Variants in AFAP1L2 observed in about 807,000 individuals in gnomAD.
AFAP1L2 encodes the protein actin filament-associated protein 1-like 2.
Under a neutral mutation model 99.3 loss-of-function variants are expected in AFAP1L2, and 46 were observed. The observed-to-expected ratio is 0.46, with a 90% CI of 0.37 to 0.59. The LOEUF (loss-of-function observed/expected upper bound fraction) is 0.59. AFAP1L2 is among the 20% of genes least tolerant of loss of function. AFAP1L2 has a pLI of 0.00. For synonymous variants in AFAP1L2, 397 were observed against 419.1 expected (o/e 0.95, Z 0.64); for missense variants, 959 against 1,034.9 (o/e 0.93, Z 1.01).
At chr10:114,303,892 C>T (rs1225864725) in intron 11 of AFAP1L2, among the ~76,000 whole-genome samples, 1 of 152,226 alleles carries the variant, frequency 6.6e-6, no homozygotes, top group Non-Finnish European at 1.5e-5. Flanking sequence ...GCACCCTCCC[C>T]ACTTCTTTCC....
chr10:114,368,559 C>T, intron 1 of AFAP1L2, among the ~76,000 whole-genome samples: 1 of 151,998 alleles, frequency 6.6e-6, no homozygotes, highest in Admixed American at 6.6e-5. Context: ...GATGGGACTA[C>T]AGGTGCCACC....
At position 114,300,286 on chromosome 10, in the gene AFAP1L2, A is replaced by T; in HGVS notation, c.1865T>A (p.Ile622Asn). ...TVKIQTEQQR[I>N]SFPPSCPDAV... is the part of the protein sequence containing the mutation. ...ATCCGGGCAGCTCGGTGGGAAGGAG[A>T]TTCTCTGCTGTTCCGTCTGGATTTT... Residue 622 changes from isoleucine to asparagine, a missense_variant, in exon 15 of 19, where the codon ATC (isoleucine) becomes AAC (asparagine). By Grantham distance (149) the Ile-to-Asn change is moderately radical (BLOSUM62 -3). This residue lies in a region of AFAP1L2 where 576 missense variants were observed against 562.1 expected (regional missense o/e 1.02). Coordinates refer to ENST00000304129, the MANE Select transcript of AFAP1L2 (RefSeq NM_001001936.3). 1.9e-6 allele frequency: 3 copies of T among 1,614,000 alleles called. No individual in the cohort carries two copies. Among genetic ancestry groups the T allele is most frequent in the Non-Finnish European group, 2.5e-6 (3 of 1,179,994 alleles).
chr10:114,370,416 C>T (rs2053933003), intron 1 of AFAP1L2, among the ~76,000 whole-genome samples: 1 of 152,218 alleles, frequency 6.6e-6, no homozygotes, highest in Non-Finnish European at 1.5e-5. Flanking sequence ...CCAGCACTTC[C>T]ACCCTCACAT....
intron 1 of AFAP1L2, among the ~76,000 whole-genome samples, chr10:114,401,091 G>A (rs976254517): frequency 1.3e-5 from 2 of 152,164 alleles, no homozygotes; most frequent in South Asian, 4.1e-4. Flanking sequence ...GTTCATATCT[G>A]CCTCCAATGC....
chr10:114,397,760 C>A (rs959496028), intron 1 of AFAP1L2, among the ~76,000 whole-genome samples: 1 of 152,204 alleles, frequency 6.6e-6, no homozygotes, highest in Non-Finnish European at 1.5e-5. Context: ...TCTGAGCTAA[C>A]AGCTGGCTAG....
At position 114,327,546 on chromosome 10, in the gene AFAP1L2, C is replaced by T. The variant is rs141062637; in HGVS notation, c.315+4257G>A. On this transcript the variant is annotated intron_variant, in intron 4 of 18. Coordinates refer to ENST00000304129, the MANE Select transcript of AFAP1L2 (RefSeq NM_001001936.3). ...GCGAGTCAGGCTTGGCAGGATTGAC[C>T]AGACCAGAGGTCCAGAGGGCCGCAA... 3.9e-4 allele frequency among the ~76,000 whole-genome samples: 59 copies of T among 152,162 alleles called. No individual in the cohort carries two copies. The East Asian group carries it at 8.2e-3, about 21-fold the overall frequency.
Position 114,299,323 on chromosome 10 carries a change from C to G in AFAP1L2, c.2050G>C (p.Gly684Arg). ...RLEKKKEEIR[G>R]HLAQLRKEKR... Reference sequence around the variant, plus strand: ...TCTTTCCGGAGCTGAGCCAGGTGCCCCCGGATTTCTTCCTTCTTCTTTTCA... The same window carrying G: ...TCTTTCCGGAGCTGAGCCAGGTGCCGCCGGATTTCTTCCTTCTTCTTTTCA... Residue 684 changes from glycine to arginine, a missense_variant, in exon 16 of 19, where the codon GGG (glycine) becomes CGG (arginine). Physicochemically the swap from Gly to Arg is moderately radical, Grantham distance 125 (BLOSUM62 -2). Around this residue, in one of 2 missense-constraint regions of AFAP1L2, gnomAD observed 576 missense variants for 562.1 expected, o/e 1.02. Transcript: ENST00000304129. 1 of 1,614,250 alleles carries G rather than the reference C, an allele frequency of 6.2e-7. No individual in the cohort carries two copies. The highest frequency in any genetic ancestry group is 1.6e-4 in the Middle Eastern group (1 of 6,062).
Position 114,295,927 on chromosome 10 carries a change from G to GTCTT in AFAP1L2, c.*111_*114dup. 1.9e-6 allele frequency: 3 copies of GTCTT among 1,597,250 alleles called. No individual in the cohort carries two copies. The highest frequency in any genetic ancestry group is 1.3e-5 in the African/African-American group (1 of 74,578). On this transcript the variant is annotated 3_prime_UTR_variant, in exon 19 of 19. Transcript: ENST00000304129. ...GAAGCTCTCCATTCACAGTACCTCAGTCTTTGCTTTTTCTTCTAAACAGAC... is the reference window on the plus strand; with the variant it reads ...GAAGCTCTCCATTCACAGTACCTCAGTCTTTCTTTGCTTTTTCTTCTAAACAGAC...
At chr10:114,297,171 GTC>G (rs775868007) in intron 17 of AFAP1L2, 47 bp downstream of exon 17, 2 of 1,211,924 alleles carry the variant, frequency 1.7e-6, no homozygotes, top group African/African-American at 3.0e-5. Flanking sequence ...CCCAACCCAT[GTC>G]CAGGGAGCCC....
At chr10:114,318,596 AGCCGGGCATGGTGATGGAC>A (rs2044521666) in intron 5 of AFAP1L2, among the ~76,000 whole-genome samples, 1 of 151,942 alleles carries the variant, frequency 6.6e-6, no homozygotes. Context: ...AAAAAAAATT[AGCCGGGCATGGTGATGGAC>A]GCCTATAATC....
chr10:114,302,649 C>T (rs763031663), intron 11 of AFAP1L2, among the ~76,000 whole-genome samples, 165 bp from the exon 12 acceptor site: 1 of 152,172 alleles, frequency 6.6e-6, no homozygotes, highest in Admixed American at 6.5e-5. Context: ...ATCCCACCCC[C>T]CAGTGGCCCC....
chr10:114,349,380 T>A, intron 1 of AFAP1L2, among the ~76,000 whole-genome samples: 4 of 92,604 alleles, frequency 4.3e-5, no homozygotes, highest in Non-Finnish European at 6.5e-5. Context: ...TGAAACTCGG[T>A]CTCAAAAAAA....
At chr10:114,321,453 G>A (rs2045295754) in intron 5 of AFAP1L2, among the ~76,000 whole-genome samples, 2 of 152,136 alleles carry the variant, frequency 1.3e-5, no homozygotes, top group Admixed American at 1.3e-4. Flanking sequence ...TTTTCTGGCT[G>A]AGTAGTATTC....
At chr10:114,368,563 T>A (rs2053613472) in intron 1 of AFAP1L2, among the ~76,000 whole-genome samples, 2 of 152,010 alleles carry the variant, frequency 1.3e-5, no homozygotes, top group African/African-American at 4.8e-5. Context: ...GGACTACAGG[T>A]GCCACCAAAC....
chr10:114,358,920 TA>T (rs57335416), intron 1 of AFAP1L2, among the ~76,000 whole-genome samples: 46,829 of 150,478 alleles, frequency 0.31, 7,751 homozygotes, highest in Non-Finnish European at 0.37. Flanking sequence ...CATCTCAAAA[TA>T]AAAAAAAAAA....
intron 12 of AFAP1L2, 121 bp downstream of exon 12, chr10:114,302,218 G>T: frequency 7.2e-7 from 1 of 1,393,284 alleles, no homozygotes; most frequent in Non-Finnish European, 9.9e-7. Context: ...ACATTTTCCT[G>T]CTGCTGGGCA....
At chr10:114,301,667 G>C (rs1292088301) in intron 12 of AFAP1L2, 7 of 573,052 alleles carry the variant, frequency 1.2e-5, no homozygotes, top group Non-Finnish European at 3.1e-6. Flanking sequence ...TTCTTGGTTC[G>C]AGATTTTCCT....
chr10:114,320,881 C>T (rs577782502), intron 5 of AFAP1L2, among the ~76,000 whole-genome samples: 1 of 152,196 alleles, frequency 6.6e-6, no homozygotes. Flanking sequence ...ACAGCAGCAC[C>T]GCACCCTCGC....
At chr10:114,310,272 C>T (rs1327924510) in intron 8 of AFAP1L2, 82 bp downstream of exon 8, 48 of 1,382,016 alleles carry the variant, frequency 3.5e-5, no homozygotes, top group Non-Finnish European at 4.2e-5. Flanking sequence ...AATATAAAAA[C>T]GAAGCTCCCA....
Sources: allele counts gnomAD v4.1 joint callset (sites outside exome capture counted in the v4.1 genomes callset), GRCh38; gene constraint gnomAD v4.1.1; regional missense constraint gnomAD v4.1.1; transcripts MANE v1.5; gene names NCBI Gene and HGNC (gene_info 2026-07-23, HGNC 2026-07-21).